Variants in HPF1 observed in about 807,000 individuals in gnomAD.
HPF1 encodes UPF0609 protein C4orf27.
A neutral mutation model predicts 38.8 loss-of-function variants in HPF1; 35 were observed. That is an observed-to-expected ratio of 0.90 (90% CI 0.69 to 1.19). HPF1 has a LOEUF of 1.19. HPF1 is among the 50% of genes most tolerant of loss of function. The pLI is 0.00. For missense variants in HPF1, 367 were observed against 405.8 expected (o/e 0.90, Z 0.82); for synonymous variants, 115 against 139.2 (o/e 0.83, Z 1.22).
At chr4:169,745,515 G>T (rs1277270930) in intron 4 of HPF1, among the ~76,000 whole-genome samples, 1 of 152,192 alleles carries the variant, frequency 6.6e-6, no homozygotes, top group Non-Finnish European at 1.5e-5. Flanking sequence ...GTGGGGAAAA[G>T]TTCATCTCAA....
In HPF1 at chr4:169,731,888, CAAT is replaced by C; in HGVS notation, c.737-15_737-13del. 1.3e-6 allele frequency: 2 copies of C among 1,597,370 alleles called. No individual in the cohort carries two copies. Among genetic ancestry groups the C allele is most frequent in the Non-Finnish European group, 1.7e-6 (2 of 1,165,742 alleles). On this transcript the variant is annotated splice_polypyrimidine_tract_variant and intron_variant, in intron 6 of 7. Coordinates refer to ENST00000393381, the MANE Select transcript of HPF1 (RefSeq NM_017867.3). ...TCTCTTGAGGTCAGCTGAAAGAAATCAATAATATAAAAGATTATCTACATAGTT... is the reference window on the plus strand; with the variant it reads ...TCTCTTGAGGTCAGCTGAAAGAAATCAATATAAAAGATTATCTACATAGTT...
intron 4 of HPF1, among the ~76,000 whole-genome samples, chr4:169,743,539 G>T (rs1734007910): frequency 6.7e-6 from 1 of 148,704 alleles, no homozygotes; most frequent in Admixed American, 6.8e-5. Context: ...CAAAAGGAAA[G>T]CAAAGCTACT....
At chr4:169,731,019 T>C (rs1330405595) in intron 7 of HPF1, among the ~76,000 whole-genome samples, 2 of 152,306 alleles carry the variant, frequency 1.3e-5, no homozygotes, top group East Asian at 3.9e-4. Context: ...CACACATATC[T>C]TACAGGTAAA....
Position 169,739,394 on chromosome 4 carries a change from C to G in HPF1, c.649-1647G>C, listed in dbSNP as rs149056558. Among the ~76,000 whole-genome samples, 108 of 151,546 alleles carry G rather than the reference C, an allele frequency of 7.1e-4. 3 individuals are homozygous for G. The East Asian group carries it at 0.018, about 25-fold the overall frequency. On this transcript the variant is annotated intron_variant, in intron 5 of 7. Transcript: ENST00000393381. ...ATGTAAGAAAAAGACTAATTCTAAC[C>G]CTGATAGAGAAATGGGCAGAGTTCA... is the stretch of plus-strand genomic sequence containing the variant.
chr4:169,739,763 T>C (rs1481046384), intron 5 of HPF1, among the ~76,000 whole-genome samples: 4 of 152,216 alleles, frequency 2.6e-5, no homozygotes, highest in Middle Eastern at 3.2e-3. Context: ...CACAGTATTC[T>C]GCAGCCGCTC....
At chr4:169,750,458 G>C in intron 3 of HPF1, 78 bp downstream of exon 3, 1 of 1,050,126 alleles carries the variant, frequency 9.5e-7, no homozygotes, top group Non-Finnish European at 1.4e-6. Context: ...TTCACCTTGG[G>C]TGAGGCTAGT....
At chr4:169,757,118 G>A (rs1734197070) in intron 1 of HPF1, among the ~76,000 whole-genome samples, 1 of 152,116 alleles carries the variant, frequency 6.6e-6, no homozygotes, top group Non-Finnish European at 1.5e-5. Flanking sequence ...CAGAACTTCC[G>A]AAATCGTAGT....
intron 4 of HPF1, among the ~76,000 whole-genome samples, chr4:169,747,377 T>C (rs1376832045): frequency 6.6e-6 from 1 of 152,124 alleles, no homozygotes; most frequent in Non-Finnish European, 1.5e-5. Context: ...GTAGCTGCCT[T>C]GTAGATACAC....
chr4:169,744,707 A>G (rs1157043665), intron 4 of HPF1, among the ~76,000 whole-genome samples: 1 of 152,210 alleles, frequency 6.6e-6, no homozygotes, highest in African/African-American at 2.4e-5. Context: ...TTTTATTTGA[A>G]ACCCTGAATT....
chr4:169,731,825 T>G lies in HPF1; in HGVS notation c.788A>C (p.Glu263Ala), dbSNP rs551803580. The G allele has an allele frequency of 8.9e-5, 144 of 1,613,258 alleles. 1 individual carries two copies. In the South Asian group the frequency reaches 1.5e-3, roughly 16 times the overall value. The change falls in exon 7 of 8, where the codon GAG becomes GCG. Residue 263 changes from glutamate (E) to alanine (A), a missense_variant. Coordinates refer to ENST00000393381, the MANE Select transcript of HPF1 (RefSeq NM_017867.3). ...KTIVEAASDE[E>A]RLKAFAPIQE... ...AATGGGAGCAAAAGCTTTTAGTCTC[T>G]CCTCATCACTTGCAGCCTCAACTAT...
chr4:169,751,897 C>T (rs1734124109), intron 2 of HPF1, among the ~76,000 whole-genome samples: 1 of 152,096 alleles, frequency 6.6e-6, no homozygotes, highest in South Asian at 2.1e-4. Context: ...ACTCTCCACC[C>T]CCATGAACAG....
intron 5 of HPF1, among the ~76,000 whole-genome samples, chr4:169,739,512 T>C (rs896844608): frequency 2.0e-5 from 3 of 151,944 alleles, no homozygotes; most frequent in African/African-American, 7.3e-5. Context: ...CAGAATTTTA[T>C]ACCTACCAGC....
chr4:169,753,770 T>C lies in HPF1; in HGVS notation c.114A>G (p.Arg38=). Residue 38 remains arginine (R), a synonymous_variant, in exon 2 of 8, where the codon CGA becomes CGG. Transcript: ENST00000393381. ...GCTTATAATGATTTTCTACTTCTTTTCGAAGGTCACTGGAGACATCAGCTT... is the reference window on the plus strand; with the variant it reads ...GCTTATAATGATTTTCTACTTCTTTCCGAAGGTCACTGGAGACATCAGCTT... ...FCEADVSSDL[R]KEVENHYKLS... is the part of the protein sequence containing the mutation. The C allele has an allele frequency of 6.2e-7, 1 of 1,613,850 alleles. No individual in the cohort carries two copies. Among genetic ancestry groups the C allele is most frequent in the South Asian group, 1.1e-5 (1 of 91,042 alleles).
intron 5 of HPF1, 62 bp from the exon 6 acceptor site, chr4:169,737,809 C>T: frequency 9.8e-7 from 1 of 1,023,444 alleles, no homozygotes. Flanking sequence ...AAAAAATCCC[C>T]AAATACATAA....
intron 4 of HPF1, among the ~76,000 whole-genome samples, chr4:169,742,722 G>A (rs936564800): frequency 6.6e-6 from 1 of 152,158 alleles, no homozygotes; most frequent in African/African-American, 2.4e-5. Flanking sequence ...AACCCGGGAG[G>A]CAGAGCTTGC....
chr4:169,756,215 C>T (rs1266877502), intron 1 of HPF1, among the ~76,000 whole-genome samples: 1 of 152,172 alleles, frequency 6.6e-6, no homozygotes, highest in African/African-American at 2.4e-5. Flanking sequence ...GCACTAGATA[C>T]CATTAACCTC....
At chr4:169,743,879 G>GAA (rs757305554) in intron 4 of HPF1, among the ~76,000 whole-genome samples, 2 of 146,270 alleles carry the variant, frequency 1.4e-5, no homozygotes, top group Admixed American at 1.4e-4. Flanking sequence ...TACTTATCAG[G>GAA]AAAAAAAAAA....
At chr4:169,743,198 C>T (rs1734001162) in intron 4 of HPF1, among the ~76,000 whole-genome samples, 1 of 152,020 alleles carries the variant, frequency 6.6e-6, no homozygotes, top group Non-Finnish European at 1.5e-5. Flanking sequence ...CAACCTCCAC[C>T]TCCCAGGTTC....
chr4:169,732,166 G>A (rs1395944624), intron 6 of HPF1: 1 of 263,176 alleles, frequency 3.8e-6, no homozygotes, highest in African/African-American at 2.5e-5. Context: ...TTTTTAGACG[G>A]AGTCTTGCTC....
Sources: gnomAD v4.1 joint callset for allele counts (sites outside exome capture counted in the v4.1 genomes callset) on GRCh38, gnomAD v4.1.1 for gene constraint, MANE v1.5 for transcripts, NCBI Gene and HGNC (gene_info 2026-07-23, HGNC 2026-07-21) for gene names.